Variants in SART3 observed in about 807,000 individuals in gnomAD.
The protein encoded by SART3 is HIV-1 Tat-interacting protein of 110kDa.
In SART3, 44 loss-of-function variants were observed where a neutral mutation model predicts 122.3. The ratio of observed to expected loss-of-function variants is 0.36; its 90% CI spans 0.28 to 0.46. The LOEUF (loss-of-function observed/expected upper bound fraction) is 0.46, where lower values mean the gene tolerates loss of function less well. SART3 is among the 20% of genes least tolerant of loss of function. The pLI, the probability that SART3 is intolerant of heterozygous loss-of-function variation, is 1.00. For missense variants in SART3, 1,101 were observed against 1,229.0 expected, an observed-to-expected ratio of 0.90 and a Z score of 1.56; for synonymous variants, 442 against 454.0, an observed-to-expected ratio of 0.97 and a Z score of 0.34.
In SART3 at chr12:108,523,542, GCGGCAGGGC is replaced by G; in HGVS notation, c.2798_2806del (p.Gly933_Ala935del). Reference sequence around the variant, plus strand: ...TGCTGGGGCGGCAACTGCAGGAGCCGCGGCAGGGCCGTTCTCAGCCTGAGGAGCTGCAGC... The same window carrying G: ...TGCTGGGGCGGCAACTGCAGGAGCCGCGTTCTCAGCCTGAGGAGCTGCAGC... On this transcript the variant is annotated inframe_deletion, in exon 19 of 19. Transcript: ENST00000546815. The G allele has an allele frequency of 6.2e-7, 1 of 1,613,948 alleles. No individual in the cohort carries two copies. The highest frequency in any genetic ancestry group is 2.2e-5 in the East Asian group (1 of 44,870).
In SART3 at chr12:108,523,233, C is replaced by G. The variant is rs979263753; in HGVS notation, c.*224G>C. The G allele has an allele frequency of 3.3e-6, 2 of 601,484 alleles. No individual in the cohort carries two copies. The highest frequency in any genetic ancestry group is 5.9e-6 in the Non-Finnish European group (2 of 337,186). 37.3% of individuals were successfully genotyped at this position (601,484 alleles called of 1,614,324 possible). Reference sequence around the variant, plus strand: ...ATCTCAGGACACCACATCCTGGGCCCAGCCTGCAGAGTGGTCACTTTTCTG... The same window carrying G: ...ATCTCAGGACACCACATCCTGGGCCGAGCCTGCAGAGTGGTCACTTTTCTG... On this transcript the variant is annotated 3_prime_UTR_variant, in exon 19 of 19. Transcript: ENST00000546815.
At chr12:108,529,803 G>A (rs1235663511) in intron 15 of SART3, among the ~76,000 whole-genome samples, 3 of 147,500 alleles carry the variant, frequency 2.0e-5, no homozygotes, top group African/African-American at 7.5e-5. Context: ...CAGGTCATCA[G>A]AGTAAAAAAA....
intron 1 of SART3, among the ~76,000 whole-genome samples, chr12:108,558,857 C>G (rs1174496342): frequency 6.6e-6 from 1 of 151,968 alleles, no homozygotes; most frequent in African/African-American, 2.4e-5. Flanking sequence ...AACGGTGAAA[C>G]CCCATCTCTA....
intron 9 of SART3, 198 bp downstream of exon 9, chr12:108,537,290 C>T (rs961659866): frequency 7.0e-6 from 4 of 575,168 alleles, no homozygotes; most frequent in Non-Finnish European, 1.3e-5. Flanking sequence ...CCAGTATAAA[C>T]GATTACTCTC....
At chr12:108,524,021 A>C in intron 18 of SART3, 2 of 554,232 alleles carry the variant, frequency 3.6e-6, no homozygotes, top group East Asian at 6.3e-5. Context: ...ATTTCTTTGT[A>C]AACACACAGA....
At chr12:108,537,068 G>C (rs1165523994) in intron 9 of SART3, 1 of 483,954 alleles carries the variant, frequency 2.1e-6, no homozygotes, top group Non-Finnish European at 3.8e-6. Context: ...AATGGCTAAA[G>C]GCTACCTGTA....
At chr12:108,549,375 GACAA>G (rs2029896958) in intron 1 of SART3, 161 bp from the exon 2 acceptor site, 7 of 680,604 alleles carry the variant, frequency 1.0e-5, no homozygotes, top group Non-Finnish European at 1.8e-5. Context: ...ACAGGTAGAA[GACAA>G]AACAATAAAA....
intron 18 of SART3, chr12:108,523,949 G>A (rs1041790117): frequency 1.6e-5 from 9 of 559,894 alleles, no homozygotes; most frequent in Non-Finnish European, 2.5e-5. Context: ...CCAAACCAGC[G>A]AACAGCACAG....
intron 8 of SART3, 87 bp downstream of exon 8, chr12:108,537,974 CAGGG>C: frequency 6.5e-7 from 1 of 1,546,268 alleles, no homozygotes; most frequent in Non-Finnish European, 8.9e-7. Flanking sequence ...AAGAAAACCC[CAGGG>C]AACACTGATG....
chr12:108,539,189 G>T, intron 6 of SART3, 100 bp from the exon 7 acceptor site: 1 of 1,218,898 alleles, frequency 8.2e-7, no homozygotes, highest in South Asian at 1.3e-5. Flanking sequence ...CAGTAACTAT[G>T]AATCGCCAAA....
intron 3 of SART3, among the ~76,000 whole-genome samples, chr12:108,545,836 G>A (rs1297719567): frequency 6.6e-6 from 1 of 151,726 alleles, no homozygotes; most frequent in African/African-American, 2.4e-5. Flanking sequence ...CGTTGTGGCA[G>A]GCACCTGTAG....
At chr12:108,558,988 G>A (rs1430232138) in intron 1 of SART3, among the ~76,000 whole-genome samples, 8 of 139,192 alleles carry the variant, frequency 5.7e-5, no homozygotes, top group East Asian at 2.2e-4. Flanking sequence ...AGCCGAGATC[G>A]TGCCACTGCA....
At chr12:108,559,800 A>G (rs1338035388) in intron 1 of SART3, among the ~76,000 whole-genome samples, 4 of 151,782 alleles carry the variant, frequency 2.6e-5, no homozygotes, top group African/African-American at 9.7e-5. Context: ...CTGGCTCTCC[A>G]GCTTCCAGAT....
At position 108,526,142 on chromosome 12, in the gene SART3, A is replaced by T. The variant is rs369120627; in HGVS notation, c.2327T>A (p.Phe776Tyr). ...DRKSVEGRPMFVSPCVDKSKN... is the reference protein window; with the variant it reads ...DRKSVEGRPMYVSPCVDKSKN... ...GCTCTTATCCACACAGGGGGAAACA[A>T]ACATTGGCCTCCCTTCTACACTTTT... is the stretch of plus-strand genomic sequence containing the variant. The change falls in exon 16 of 19, where the codon TTT (phenylalanine) becomes TAT (tyrosine). Residue 776 changes from phenylalanine (F) to tyrosine (Y), a missense_variant. Around this residue, in one of 2 missense-constraint regions of SART3, gnomAD observed 885 missense variants for 1,080.1 expected, o/e 0.82. Transcript: ENST00000546815. The T allele has an allele frequency of 6.2e-7, 1 of 1,614,214 alleles. No individual in the cohort carries two copies. The highest frequency in any genetic ancestry group is 1.7e-5 in the Admixed American group (1 of 60,032).
intron 1 of SART3, among the ~76,000 whole-genome samples, chr12:108,554,828 T>C (rs2030149959): frequency 1.3e-5 from 2 of 151,968 alleles, no homozygotes; most frequent in African/African-American, 4.8e-5. Context: ...GAGAAAAGAA[T>C]GAGAACTGTT....
chr12:108,537,168 G>A (rs571411751), intron 9 of SART3: 8 of 428,576 alleles, frequency 1.9e-5, no homozygotes, highest in South Asian at 1.1e-4. Flanking sequence ...GGATCCCACA[G>A]AGGTACAAAG....
At chr12:108,538,426 C>T (rs187213849) in intron 7 of SART3, among the ~76,000 whole-genome samples, 22 of 152,340 alleles carry the variant, frequency 1.4e-4, no homozygotes, top group Non-Finnish European at 2.5e-4. Flanking sequence ...GCCAACCCTA[C>T]TGGATAGACC....
chr12:108,558,865 C>T (rs2030342162), intron 1 of SART3, among the ~76,000 whole-genome samples: 1 of 151,998 alleles, frequency 6.6e-6, no homozygotes, highest in Non-Finnish European at 1.5e-5. Flanking sequence ...AACCCCATCT[C>T]TACTAAAAAT....
At chr12:108,538,366 G>A (rs1231310404) in intron 7 of SART3, among the ~76,000 whole-genome samples, 163 bp from the exon 8 acceptor site, 3 of 152,198 alleles carry the variant, frequency 2.0e-5, no homozygotes, top group Admixed American at 1.3e-4. Flanking sequence ...GGGGAGTGGA[G>A]GAGAAGGAGA....
Sources: gnomAD v4.1 joint callset for allele counts (sites outside exome capture counted in the v4.1 genomes callset) on GRCh38, gnomAD v4.1.1 for gene constraint, gnomAD v4.1.1 regional missense constraint, MANE v1.5 for transcripts, NCBI Gene and HGNC (gene_info 2026-07-23, HGNC 2026-07-21) for gene names.